The following CDH13 variants were observed in gnomAD, a reference collection of about 807,000 sequenced individuals.
CDH13 encodes cadherin-13.
CDH13 carries 24 observed loss-of-function variants against 63.8 expected under a neutral mutation model. The observed-to-expected ratio is 0.38, with a 90% CI of 0.27 to 0.53. The LOEUF (loss-of-function observed/expected upper bound fraction) is 0.53, where lower values mean the gene tolerates loss of function less well. CDH13 is among the 20% of genes least tolerant of loss of function. The probability of loss-of-function intolerance (pLI) is 0.85; values close to 1 mark genes in which losing one functional copy is unlikely to be tolerated. For missense variants in CDH13, 1,049 were observed against 903.1 expected, an observed-to-expected ratio of 1.16 and a Z score of -2.07; for synonymous variants, 503 against 355.3, an observed-to-expected ratio of 1.42 and a Z score of -4.67.
At chr16:82,714,271 A>G (rs2032186064) in intron 1 of CDH13, among the ~76,000 whole-genome samples, 1 of 152,178 alleles carries the variant, frequency 6.6e-6, no homozygotes, top group South Asian at 2.1e-4. Context: ...TAAGTATTGA[A>G]TTGTGTTCCC....
At position 83,646,164 on chromosome 16, in the gene CDH13, C is replaced by T. The variant is rs182156621; in HGVS notation, c.1102-24626C>T. ...ACATAGACTCTAGACTCAGACCAAC[C>T]GGGGTCTGAATCCCATCTCTCCACT... On this transcript the variant is annotated intron_variant, in intron 8 of 13. Coordinates refer to ENST00000567109, the MANE Select transcript of CDH13 (RefSeq NM_001257.5). Among the ~76,000 whole-genome samples the T allele has an allele frequency of 3.4e-3, 512 of 152,168 alleles. 1 individual carries two copies. The highest frequency in any genetic ancestry group is 4.1e-3 in the Non-Finnish European group (277 of 68,002).
intron 7 of CDH13, among the ~76,000 whole-genome samples, chr16:83,495,855 A>G (rs958334457): frequency 1.3e-5 from 2 of 152,124 alleles, no homozygotes; most frequent in Non-Finnish European, 2.9e-5. Context: ...AGGTACTTAT[A>G]TAACCATTAA....
At chr16:82,997,131 ATGGTGG>A (rs1229885197) in intron 2 of CDH13, among the ~76,000 whole-genome samples, 3,397 of 147,540 alleles carry the variant, frequency 0.023, 117 homozygotes, top group African/African-American at 0.078. Flanking sequence ...GATGGTGGTG[ATGGTGG>A]TGATGATGGT....
intron 5 of CDH13, among the ~76,000 whole-genome samples, chr16:83,230,533 C>T (rs543095839): frequency 3.9e-5 from 6 of 152,158 alleles, no homozygotes; most frequent in Non-Finnish European, 7.4e-5. Flanking sequence ...CACCTGTAAT[C>T]CCAGCACTTT....
At chr16:82,957,740 G>T (rs1444245849) in intron 2 of CDH13, among the ~76,000 whole-genome samples, 1 of 152,184 alleles carries the variant, frequency 6.6e-6, no homozygotes, top group Non-Finnish European at 1.5e-5. Context: ...GATGTTATAT[G>T]CATTAAATGG....
chr16:83,042,720 C>G (rs1324709347), intron 3 of CDH13, among the ~76,000 whole-genome samples: 2 of 152,138 alleles, frequency 1.3e-5, no homozygotes, highest in Admixed American at 6.5e-5. Flanking sequence ...GCAACAAGCT[C>G]GTGGTAAATT....
intron 1 of CDH13, among the ~76,000 whole-genome samples, chr16:82,777,756 G>T (rs2035564335): frequency 6.6e-6 from 1 of 152,154 alleles, no homozygotes; most frequent in African/African-American, 2.4e-5. Flanking sequence ...GCATGGGTTG[G>T]CTCCTGAGCT....
At chr16:83,468,314 G>A (rs1005622258) in intron 6 of CDH13, among the ~76,000 whole-genome samples, 3 of 152,164 alleles carry the variant, frequency 2.0e-5, no homozygotes, top group Non-Finnish European at 4.4e-5. Context: ...GGTGAAGGCA[G>A]GGCAGAGAGA....
Position 83,212,828 on chromosome 16 carries a change from C to G in CDH13, c.484-4517C>G, listed in dbSNP as rs144287570. 6.6e-3 allele frequency among the ~76,000 whole-genome samples: 1,006 copies of G among 152,262 alleles called. 26 individuals are homozygous for G. The highest frequency in any genetic ancestry group is 0.023 in the African/African-American group (940 of 41,544). Reference sequence around the variant, plus strand: ...TCTGATACAAGAGGCTTGGGGGAAGCCTGGGAATTTGCGTTTTTAATGAGT... The same window carrying G: ...TCTGATACAAGAGGCTTGGGGGAAGGCTGGGAATTTGCGTTTTTAATGAGT... On this transcript the variant is annotated intron_variant, in intron 4 of 13. Coordinates refer to ENST00000567109, the MANE Select transcript of CDH13 (RefSeq NM_001257.5).
At chr16:83,085,801 C>T (rs1261907288) in intron 3 of CDH13, among the ~76,000 whole-genome samples, 3 of 152,196 alleles carry the variant, frequency 2.0e-5, no homozygotes, top group Non-Finnish European at 2.9e-5. Flanking sequence ...TCTCAGAGGT[C>T]TCAATATGCT....
At chr16:82,949,398 G>C (rs1210437286) in intron 2 of CDH13, among the ~76,000 whole-genome samples, 3 of 152,082 alleles carry the variant, frequency 2.0e-5, no homozygotes, top group Non-Finnish European at 4.4e-5. Flanking sequence ...CACTCTAACG[G>C]CTTCCTCTTA....
intron 2 of CDH13, among the ~76,000 whole-genome samples, chr16:82,968,733 T>C (rs553774020): frequency 8.5e-5 from 13 of 152,236 alleles, no homozygotes; most frequent in Non-Finnish European, 1.9e-4. Context: ...TGTTCTAGCA[T>C]CAGTCATATG....
intron 4 of CDH13, among the ~76,000 whole-genome samples, chr16:83,209,393 T>A (rs1290255098): frequency 6.6e-6 from 1 of 152,102 alleles, no homozygotes; most frequent in Non-Finnish European, 1.5e-5. Flanking sequence ...GGGTGCATCC[T>A]CCACACAGAG....
chr16:83,519,272 C>T (rs774795717), intron 7 of CDH13, among the ~76,000 whole-genome samples: 26 of 152,226 alleles, frequency 1.7e-4, no homozygotes, highest in Non-Finnish European at 2.4e-4. Flanking sequence ...GGCCTGTTTC[C>T]GCCCTAGCAT....
chr16:83,135,391 G>T (rs1470001704), intron 4 of CDH13, among the ~76,000 whole-genome samples: 4 of 152,112 alleles, frequency 2.6e-5, no homozygotes, highest in African/African-American at 9.7e-5. Context: ...CACACAAATG[G>T]TCATTTGACT....
intron 7 of CDH13, among the ~76,000 whole-genome samples, chr16:83,510,677 C>T (rs1327821376): frequency 6.6e-6 from 1 of 152,176 alleles, no homozygotes; most frequent in Non-Finnish European, 1.5e-5. Context: ...GTTTCATCTC[C>T]AGTGTACCAC....
At chr16:82,709,097 A>G (rs1296875367) in intron 1 of CDH13, among the ~76,000 whole-genome samples, 1 of 152,048 alleles carries the variant, frequency 6.6e-6, no homozygotes, top group Non-Finnish European at 1.5e-5. Context: ...TCACTGCAGT[A>G]GATACAATGA....
rs184385736 is a variant in CDH13, at chr16:83,472,232, C to T, written c.782-14245C>T. Among the ~76,000 whole-genome samples, 3 of 152,306 alleles carry T rather than the reference C, an allele frequency of 2.0e-5. No individual in the cohort carries two copies. The East Asian group carries it at 5.8e-4, about 29-fold the overall frequency. On this transcript the variant is annotated intron_variant, in intron 6 of 13. Coordinates refer to ENST00000567109, the MANE Select transcript of CDH13 (RefSeq NM_001257.5). ...CAGCTGTTCAGTGGCAGAGCTGGGA[C>T]TGAAACTGGGGACTCTGTCTCCTGT...
At chr16:83,478,489 A>C (rs1184062493) in intron 6 of CDH13, among the ~76,000 whole-genome samples, 2 of 152,066 alleles carry the variant, frequency 1.3e-5, no homozygotes, top group East Asian at 1.9e-4. Flanking sequence ...TCACATTATC[A>C]AGCACTTTCT....
Sources: allele counts gnomAD v4.1 joint callset (sites outside exome capture counted in the v4.1 genomes callset), GRCh38; gene constraint gnomAD v4.1.1; transcripts MANE v1.5; gene names NCBI Gene and HGNC (gene_info 2026-07-23, HGNC 2026-07-21).